The following CAST variants were observed in gnomAD, a reference collection of about 807,000 sequenced individuals.
CAST encodes calpastatin.
Under a neutral mutation model 119.6 loss-of-function variants are expected in CAST, and 76 were observed. The observed-to-expected ratio is 0.64, with a 90% CI of 0.53 to 0.77. CAST has a LOEUF of 0.77. Ranked by LOEUF, CAST falls within the 30% of genes least tolerant of loss-of-function variation. The pLI is 0.00. For missense variants in CAST, 953 were observed against 946.5 expected, an observed-to-expected ratio of 1.01 and a Z score of -0.09; for synonymous variants, 319 against 331.6, an observed-to-expected ratio of 0.96 and a Z score of 0.41.
At chr5:96,355,184 C>T in the CAST span, among the ~76,000 whole-genome samples, 1 of 151,806 alleles carries the variant, frequency 6.6e-6, no homozygotes, top group Admixed American at 6.6e-5. Context: ...TCCCCTAGCC[C>T]CCCACCCCCT....
the CAST span, among the ~76,000 whole-genome samples, chr5:96,141,200 G>A: frequency 2.0e-5 from 3 of 152,100 alleles, no homozygotes; most frequent in Non-Finnish European, 4.4e-5. Context: ...TCTTAAACTG[G>A]TGGCCAATGG....
chr5:96,348,541 G>A, the CAST span, among the ~76,000 whole-genome samples: 1 of 152,146 alleles, frequency 6.6e-6, no homozygotes, highest in Non-Finnish European at 1.5e-5. Flanking sequence ...TGGAGAAAAT[G>A]ATAGTTTTGG....
chr5:96,604,420 G>A (rs1747214722), intron 1 of CAST, among the ~76,000 whole-genome samples: 1 of 152,198 alleles, frequency 6.6e-6, no homozygotes, highest in South Asian at 2.1e-4. Context: ...ACATACTCAT[G>A]TCCAGCACCA....
the CAST span, among the ~76,000 whole-genome samples, chr5:96,136,550 AGT>A: frequency 6.6e-6 from 1 of 152,234 alleles, no homozygotes; most frequent in Non-Finnish European, 1.5e-5. Context: ...CTGCTGTGGC[AGT>A]GTCATTGCCT....
At chr5:96,107,397 G>T in the CAST span, among the ~76,000 whole-genome samples, 532 of 151,708 alleles carry the variant, frequency 3.5e-3, 2 homozygotes, top group African/African-American at 4.6e-3. Flanking sequence ...CTTCCTTCAG[G>T]AGCTCTTTTA....
At chr5:96,381,877 A>T in the CAST span, among the ~76,000 whole-genome samples, 2 of 152,200 alleles carry the variant, frequency 1.3e-5, no homozygotes, top group South Asian at 4.1e-4. Context: ...TAATCGGCAG[A>T]CTACAATTCG....
chr5:96,112,245 C>T, the CAST span, among the ~76,000 whole-genome samples: 1 of 151,970 alleles, frequency 6.6e-6, no homozygotes. Context: ...GAATATATTA[C>T]CTAATTCAGG....
At chr5:96,544,146 G>A (rs952766890) in intron 1 of CAST, among the ~76,000 whole-genome samples, 1 of 152,164 alleles carries the variant, frequency 6.6e-6, no homozygotes, top group Non-Finnish European at 1.5e-5. Context: ...TAGAGCAAAT[G>A]GGGAAAAACT....
rs553626803 is a variant in CAST, at chr5:96,627,065, A to G, written c.61-48474A>G. On this transcript the variant is annotated intron_variant, in intron 1 of 11. Transcript: ENST00000505143. Reference sequence around the variant, plus strand: ...ACAAAGAATATGTGGGAACAGCTACATGTCAAGGTTAAAAATGCATGAGAA... The same window carrying G: ...ACAAAGAATATGTGGGAACAGCTACGTGTCAAGGTTAAAAATGCATGAGAA... 3.5e-4 allele frequency among the ~76,000 whole-genome samples: 53 copies of G among 152,336 alleles called. 1 individual carries two copies. In the South Asian group the frequency reaches 9.9e-3, roughly 29 times the overall value.
At chr5:96,026,360 T>G in the CAST span, among the ~76,000 whole-genome samples, 1 of 152,132 alleles carries the variant, frequency 6.6e-6, no homozygotes, top group East Asian at 1.9e-4. Context: ...ACAGGTGAGC[T>G]CAGTACGATA....
chr5:95,989,941 A>G, the CAST span, among the ~76,000 whole-genome samples: 7 of 152,136 alleles, frequency 4.6e-5, no homozygotes, highest in African/African-American at 1.7e-4. Context: ...TGAGCTTTTA[A>G]TAAATAAAAT....
intron 1 of CAST, among the ~76,000 whole-genome samples, chr5:96,654,660 T>G (rs914351236): frequency 6.6e-6 from 1 of 152,188 alleles, no homozygotes; most frequent in Non-Finnish European, 1.5e-5. Flanking sequence ...GTAAGTTCAT[T>G]AATAACTTGC....
the CAST span, among the ~76,000 whole-genome samples, chr5:96,235,989 A>G: frequency 6.6e-6 from 1 of 152,232 alleles, no homozygotes; most frequent in Non-Finnish European, 1.5e-5. Context: ...GTAAAGATCA[A>G]CAGTTCTTCT....
At chr5:96,712,534 G>T (rs1168469649) in intron 3 of CAST, among the ~76,000 whole-genome samples, 2 of 152,140 alleles carry the variant, frequency 1.3e-5, no homozygotes, top group Non-Finnish European at 2.9e-5. Context: ...TCACTATGCT[G>T]CCCAGGCTGG....
At chr5:96,204,700 TGA>T in the CAST span, among the ~76,000 whole-genome samples, 1 of 151,992 alleles carries the variant, frequency 6.6e-6, no homozygotes, top group African/African-American at 2.4e-5. Flanking sequence ...CAGAAAGAAG[TGA>T]GTTTTCCTTC....
chr5:96,393,244 A>C, the CAST span: 1 of 1,613,960 alleles, frequency 6.2e-7, no homozygotes, highest in Middle Eastern at 1.6e-4. Flanking sequence ...TACTGAAAGC[A>C]CTTTGCAGGA....
the CAST span, among the ~76,000 whole-genome samples, chr5:96,208,985 T>A: frequency 2.7e-4 from 41 of 152,074 alleles, no homozygotes; most frequent in Middle Eastern, 0.01. Flanking sequence ...TAACAAGTTG[T>A]TTTATGAATC....
At chr5:96,681,937 C>A (rs1370269965) in intron 2 of CAST, among the ~76,000 whole-genome samples, 1 of 149,746 alleles carries the variant, frequency 6.7e-6, no homozygotes, top group Non-Finnish European at 1.5e-5. Flanking sequence ...TTCAGTTACC[C>A]ACGGTACAAT....
the CAST span, among the ~76,000 whole-genome samples, chr5:96,462,746 G>A: frequency 6.6e-6 from 1 of 152,088 alleles, no homozygotes; most frequent in African/African-American, 2.4e-5. Flanking sequence ...ATCCCCATGT[G>A]TCAAGGGACA....
Sources: gnomAD v4.1 joint callset for allele counts (sites outside exome capture counted in the v4.1 genomes callset) on GRCh38, gnomAD v4.1.1 for gene constraint, MANE v1.5 for transcripts, NCBI Gene and HGNC (gene_info 2026-07-23, HGNC 2026-07-21) for gene names.